The following MYT1L variants were observed in gnomAD, a reference collection of about 807,000 sequenced individuals.
MYT1L encodes the protein myelin transcription factor 1-like protein.
A neutral mutation model predicts 126.7 loss-of-function variants in MYT1L; 12 were observed. The observed-to-expected ratio is 0.09, with a 90% CI of 0.06 to 0.15. MYT1L has a LOEUF of 0.15. Among genes scored for constraint, MYT1L ranks in the 10% least tolerant of loss-of-function variants. The pLI is 1.00. For missense variants in MYT1L, 979 were observed against 1,585.2 expected (o/e 0.62, Z 6.49); for synonymous variants, 541 against 604.2 (o/e 0.90, Z 1.53).
intron 9 of MYT1L, among the ~76,000 whole-genome samples, chr2:1,931,440 T>C (rs1323772228): frequency 6.6e-6 from 1 of 151,850 alleles, no homozygotes; most frequent in African/African-American, 2.4e-5. Context: ...TGCCCACGTC[T>C]GCTGCGCCTT....
At chr2:2,326,567 C>A (rs986879817) in intron 1 of MYT1L, 1 of 142,250 alleles carries the variant, frequency 7.0e-6, no homozygotes, top group Admixed American at 6.9e-5. Flanking sequence ...TTCCCCCCCG[C>A]CAACTTTTCC....
intron 1 of MYT1L, among the ~76,000 whole-genome samples, chr2:2,321,360 G>A (rs1472789191): frequency 1.3e-5 from 2 of 152,140 alleles, no homozygotes; most frequent in East Asian, 3.9e-4. Context: ...GGGGTGCCCT[G>A]CAGACTCGCT....
chr2:2,045,407 C>T (rs2068056990), intron 4 of MYT1L, among the ~76,000 whole-genome samples: 1 of 152,126 alleles, frequency 6.6e-6, no homozygotes. Flanking sequence ...GAGGGGTGTC[C>T]CTGCAGAGCC....
intron 3 of MYT1L, among the ~76,000 whole-genome samples, chr2:2,116,724 G>C (rs1449920854): frequency 3.3e-5 from 5 of 152,252 alleles, no homozygotes; most frequent in African/African-American, 9.6e-5. Flanking sequence ...CCCCGGGAAA[G>C]CCAGGCCATG....
chr2:1,927,556 C>A (rs2054399419), intron 9 of MYT1L, among the ~76,000 whole-genome samples: 1 of 152,204 alleles, frequency 6.6e-6, no homozygotes, highest in Admixed American at 6.5e-5. Context: ...AGATACACAA[C>A]TTTTGATTCC....
intron 8 of MYT1L, among the ~76,000 whole-genome samples, chr2:1,961,833 C>A (rs2058985676): frequency 6.6e-6 from 1 of 152,162 alleles, no homozygotes; most frequent in Admixed American, 6.5e-5. Context: ...ATAAAGGAAG[C>A]TGAGTAATGG....
At chr2:2,004,284 T>TGCAGGCGTTCTTTCCC (rs2062841146) in intron 4 of MYT1L, among the ~76,000 whole-genome samples, 1 of 143,430 alleles carries the variant, frequency 7.0e-6, no homozygotes, top group Non-Finnish European at 1.5e-5. Context: ...CGTTCTTTCC[T>TGCAGGCGTTCTTTCCC]GCATGCGTTC....
At chr2:1,792,280 G>T in intron 24 of MYT1L, 41 bp downstream of exon 24, 1 of 1,565,080 alleles carries the variant, frequency 6.4e-7, no homozygotes, top group East Asian at 2.3e-5. Context: ...TGTGCGCTGT[G>T]GAGGACTCCA....
Position 1,792,123 on chromosome 2 carries a change from C to T in MYT1L, c.3421-116G>A, listed in dbSNP as rs1024570209. 6.8e-6 allele frequency: 8 copies of T among 1,184,616 alleles called. No homozygotes were observed. The Admixed American group carries it at 8.8e-5, about 13-fold the overall frequency. 73.4% of individuals were successfully genotyped at this position (1,184,616 alleles called of 1,614,324 possible). The stretch of plus-strand genomic sequence containing the variant: ...CCCTGGTTTTATACTATTTCAAAGG[C>T]CGGCTCAGAGCACACTTAAGTTTCT... On this transcript the variant is annotated intron_variant, in intron 24 of 24. Transcript: ENST00000647738.
intron 2 of MYT1L, among the ~76,000 whole-genome samples, chr2:2,275,782 C>T (rs1041142472): frequency 2.6e-5 from 4 of 152,188 alleles, no homozygotes; most frequent in Non-Finnish European, 5.9e-5. Context: ...GATGTCTTCC[C>T]AGCCTCATGT....
chr2:2,261,003 C>T (rs531496833), intron 2 of MYT1L, among the ~76,000 whole-genome samples: 1 of 152,176 alleles, frequency 6.6e-6, no homozygotes, highest in Non-Finnish European at 1.5e-5. Flanking sequence ...TGTTATTTAT[C>T]AGATTACTCA....
At chr2:2,037,355 C>G (rs2149981644) in intron 4 of MYT1L, among the ~76,000 whole-genome samples, 1 of 152,214 alleles carries the variant, frequency 6.6e-6, no homozygotes, top group East Asian at 1.9e-4. Context: ...TGGGGTATTG[C>G]TGTTGCTAAT....
chr2:1,821,815 G>C (rs2038575118), intron 21 of MYT1L, among the ~76,000 whole-genome samples: 1 of 152,214 alleles, frequency 6.6e-6, no homozygotes, highest in African/African-American at 2.4e-5. Flanking sequence ...ACGGGACCAA[G>C]GCCTTGGGGC....
chr2:2,191,418 G>A (rs2092584578), intron 2 of MYT1L, among the ~76,000 whole-genome samples: 1 of 152,336 alleles, frequency 6.6e-6, no homozygotes, highest in Non-Finnish European at 1.5e-5. Context: ...ACATGTGAGA[G>A]CACTCTGGGA....
At chr2:2,321,457 G>T (rs61276272) in intron 1 of MYT1L, among the ~76,000 whole-genome samples, 1 of 152,152 alleles carries the variant, frequency 6.6e-6, no homozygotes, top group Admixed American at 6.5e-5. Flanking sequence ...CAGGCTGGTG[G>T]AATTCGTGCA....
intron 2 of MYT1L, among the ~76,000 whole-genome samples, chr2:2,261,052 G>A (rs1472153628): frequency 6.6e-6 from 1 of 152,102 alleles, no homozygotes; most frequent in Non-Finnish European, 1.5e-5. Flanking sequence ...AGGAAGTCTT[G>A]GTTAGGCAAC....
At chr2:2,208,544 T>C (rs548555967) in intron 2 of MYT1L, among the ~76,000 whole-genome samples, 1 of 152,332 alleles carries the variant, frequency 6.6e-6, no homozygotes, top group South Asian at 2.1e-4. Flanking sequence ...TGTAGGCTTG[T>C]ATTCTCATAT....
intron 19 of MYT1L, among the ~76,000 whole-genome samples, chr2:1,847,791 G>A (rs1040465899): frequency 4.6e-5 from 7 of 152,156 alleles, no homozygotes; most frequent in African/African-American, 1.2e-4. Flanking sequence ...ACGGAGAGTC[G>A]GCAAAGCAGC....
chr2:2,293,883 C>T lies in MYT1L; in HGVS notation c.-520-9380G>A, dbSNP rs141889644. Reference sequence around the variant, plus strand: ...GCTTGTTCATGCCCAGTTCCAAGAACGCCAGCCTGCTCCGTGCTTGGCGCG... The same window carrying T: ...GCTTGTTCATGCCCAGTTCCAAGAATGCCAGCCTGCTCCGTGCTTGGCGCG... On this transcript the variant is annotated intron_variant, in intron 1 of 24. Transcript: ENST00000647738. Among the ~76,000 whole-genome samples the T allele has an allele frequency of 1.2e-4, 19 of 152,292 alleles. No individual in the cohort carries two copies. The South Asian group carries it at 1.9e-3, about 15-fold the overall frequency.
Sources: gnomAD v4.1 joint callset for allele counts (sites outside exome capture counted in the v4.1 genomes callset) on GRCh38, gnomAD v4.1.1 for gene constraint, MANE v1.5 for transcripts, NCBI Gene and HGNC (gene_info 2026-07-23, HGNC 2026-07-21) for gene names.